MAGI2: variants seen among roughly 807,000 people sequenced by gnomAD.
MAGI2 encodes membrane associated guanylate kinase, WW and PDZ domain containing 2.
MAGI2 carries 35 observed loss-of-function variants against 133.3 expected under a neutral mutation model. That is an observed-to-expected ratio of 0.26 (90% CI 0.20 to 0.35). The LOEUF is 0.35. Ranked by LOEUF, MAGI2 falls within the 10% of genes least tolerant of loss-of-function variation. The pLI is 1.00. For synonymous variants in MAGI2, 729 were observed against 710.6 expected (o/e 1.03, Z -0.41); for missense variants, 1,636 against 1,863.4 (o/e 0.88, Z 2.25).
At chr7:79,130,262 T>C (rs1014235792) in intron 1 of MAGI2, among the ~76,000 whole-genome samples, 1 of 152,076 alleles carries the variant, frequency 6.6e-6, no homozygotes, top group Non-Finnish European at 1.5e-5. Flanking sequence ...CAGTGAGCTA[T>C]GACAGCGCCA....
chr7:78,343,752 A>G (rs1363101278), intron 9 of MAGI2, 26 bp downstream of exon 9: 1 of 1,419,396 alleles, frequency 7.0e-7, no homozygotes, highest in Non-Finnish European at 9.2e-7. Flanking sequence ...TTGCAAAACA[A>G]TTTTCTAAAC....
intron 3 of MAGI2, among the ~76,000 whole-genome samples, chr7:78,541,052 A>G (rs879830971): frequency 6.6e-6 from 1 of 152,192 alleles, no homozygotes; most frequent in African/African-American, 2.4e-5. Flanking sequence ...GAAGTTCATG[A>G]TGTGAGTCTC....
intron 1 of MAGI2, among the ~76,000 whole-genome samples, chr7:79,391,556 T>G (rs966295929): frequency 6.3e-4 from 47 of 74,416 alleles, no homozygotes; most frequent in South Asian, 4.3e-3. Context: ...TATATATATA[T>G]ATATATACAC....
At chr7:78,624,047 AT>A (rs1280863074) in intron 3 of MAGI2, among the ~76,000 whole-genome samples, 1 of 152,074 alleles carries the variant, frequency 6.6e-6, no homozygotes, top group Non-Finnish European at 1.5e-5. Context: ...ATGGTATCTC[AT>A]TGTGGTTTTG....
intron 1 of MAGI2, among the ~76,000 whole-genome samples, chr7:79,416,719 C>CTTTTTTTTT (rs1169090958): frequency 1.0e-5 from 1 of 99,266 alleles, no homozygotes; most frequent in African/African-American, 4.5e-5. Context: ...CTTTTCTTTT[C>CTTTTTTTTT]TTTTTCTTTT....
At chr7:79,240,139 T>G (rs1402481541) in intron 1 of MAGI2, among the ~76,000 whole-genome samples, 1 of 152,122 alleles carries the variant, frequency 6.6e-6, no homozygotes, top group Non-Finnish European at 1.5e-5. Context: ...AGGCATTGCA[T>G]TCCTCTGTAC....
At position 78,969,485 on chromosome 7, in the gene MAGI2, G is replaced by A. The variant is rs147113043; in HGVS notation, c.418+37605C>T. On this transcript the variant is annotated intron_variant, in intron 2 of 21. Transcript: ENST00000354212. The stretch of plus-strand genomic sequence containing the variant: ...ATTAATGATCTTGGCGAGAGACAAC[G>A]AACCATGGATATTTCCCCGGACAAT... Among the ~76,000 whole-genome samples the A allele has an allele frequency of 5.8e-3, 886 of 152,092 alleles. 1 individual carries two copies. The highest frequency in any genetic ancestry group is 9.2e-3 in the Non-Finnish European group (628 of 67,970).
At chr7:78,335,932 G>A (rs1340239876) in intron 9 of MAGI2, among the ~76,000 whole-genome samples, 1 of 152,144 alleles carries the variant, frequency 6.6e-6, no homozygotes, top group African/African-American at 2.4e-5. Flanking sequence ...ATGTAGGAGG[G>A]TTACCAGATG....
At chr7:78,250,151 A>G (rs1426853936) in intron 10 of MAGI2, among the ~76,000 whole-genome samples, 3 of 152,130 alleles carry the variant, frequency 2.0e-5, no homozygotes, top group Non-Finnish European at 4.4e-5. Flanking sequence ...GCAAGGCACT[A>G]GGACATATAC....
intron 1 of MAGI2, among the ~76,000 whole-genome samples, chr7:79,438,501 T>C (rs1329906827): frequency 2.0e-5 from 3 of 152,130 alleles, no homozygotes; most frequent in African/African-American, 7.2e-5. Flanking sequence ...CTACTACTTC[T>C]GCAGTTCTCA....
intron 3 of MAGI2, among the ~76,000 whole-genome samples, chr7:78,536,106 T>C (rs1417227734): frequency 1.2e-5 from 1 of 84,738 alleles, no homozygotes; most frequent in South Asian, 4.1e-4. Context: ...AATTAAACTT[T>C]TTTTTTTTTT....
At chr7:79,327,159 G>T (rs901467963) in intron 1 of MAGI2, among the ~76,000 whole-genome samples, 24 of 152,064 alleles carry the variant, frequency 1.6e-4, no homozygotes, top group Non-Finnish European at 2.5e-4. Context: ...CCAGCTGAAG[G>T]CCTCAATTTT....
chr7:78,314,448 G>A (rs981384510), intron 9 of MAGI2, among the ~76,000 whole-genome samples: 1 of 152,128 alleles, frequency 6.6e-6, no homozygotes, highest in Non-Finnish European at 1.5e-5. Flanking sequence ...AAGGAAGAGG[G>A]CATGGAAAAA....
At chr7:78,594,084 T>G (rs116355683) in intron 3 of MAGI2, among the ~76,000 whole-genome samples, 2 of 152,208 alleles carry the variant, frequency 1.3e-5, no homozygotes, top group Admixed American at 6.5e-5. Context: ...ATGTACCTAG[T>G]CAACACCATC....
chr7:78,900,007 T>C (rs1269756818), intron 2 of MAGI2, among the ~76,000 whole-genome samples: 2 of 152,168 alleles, frequency 1.3e-5, no homozygotes, highest in African/African-American at 4.8e-5. Context: ...AGTGGATGCA[T>C]TCTGAGATCC....
At chr7:79,053,272 T>C (rs181018499) in intron 1 of MAGI2, among the ~76,000 whole-genome samples, 2 of 152,068 alleles carry the variant, frequency 1.3e-5, no homozygotes, top group African/African-American at 4.8e-5. Flanking sequence ...CCCACCCGGC[T>C]GCTATTCTTA....
chr7:79,186,302 G>C (rs943018446), intron 1 of MAGI2, among the ~76,000 whole-genome samples: 2 of 146,912 alleles, frequency 1.4e-5, no homozygotes, highest in Non-Finnish European at 3.0e-5. Context: ...AGTTTAATGA[G>C]CGACCATGCA....
At chr7:78,745,544 CA>C (rs1240494277) in intron 2 of MAGI2, among the ~76,000 whole-genome samples, 1 of 137,580 alleles carries the variant, frequency 7.3e-6, no homozygotes, top group Non-Finnish European at 1.7e-5. Context: ...AAAAAAAAAA[CA>C]ACAACAACGT....
intron 21 of MAGI2, among the ~76,000 whole-genome samples, chr7:78,068,144 C>T (rs1412283639): frequency 6.6e-6 from 1 of 152,160 alleles, no homozygotes; most frequent in Non-Finnish European, 1.5e-5. Context: ...TGAAACTGTT[C>T]CACCTCAGAT....
Sources: gnomAD v4.1 joint callset for allele counts (sites outside exome capture counted in the v4.1 genomes callset) on GRCh38, gnomAD v4.1.1 for gene constraint, MANE v1.5 for transcripts, NCBI Gene and HGNC (gene_info 2026-07-23, HGNC 2026-07-21) for gene names.